Variants in MPRIP observed in about 807,000 individuals in gnomAD.
The protein encoded by MPRIP is myosin phosphatase Rho interacting protein.
MPRIP carries 59 observed loss-of-function variants against 234.9 expected under a neutral mutation model. The observed-to-expected ratio is 0.25, with a 90% CI of 0.20 to 0.31. The LOEUF (loss-of-function observed/expected upper bound fraction) is 0.31. Ranked by LOEUF, MPRIP falls within the 10% of genes least tolerant of loss-of-function variation. The pLI is 1.00. For synonymous variants in MPRIP, 1,144 were observed against 1,263.9 expected (o/e 0.91, Z 2.01); for missense variants, 2,436 against 3,071.0 (o/e 0.79, Z 4.89).
rs370665636 is a variant in MPRIP at position 17,090,842 on chromosome 17, C to T, written c.267+12766C>T. Among the ~76,000 whole-genome samples the T allele has an allele frequency of 4.6e-4, 70 of 152,296 alleles. 1 individual carries two copies. Among genetic ancestry groups the T allele is most frequent in the South Asian group, 2.7e-3 (13 of 4,826 alleles). On this transcript the variant is annotated intron_variant, in intron 3 of 23. Coordinates refer to ENST00000651222, the MANE Select transcript of MPRIP (RefSeq NM_001364716.4). ...TGGGTGGAGCTACTCTGGCTCCATT[C>T]CCATTCTGTGAGCTGGGGCCCAGAC...
chr17:17,092,738 ATCTC>A (rs138948592), intron 3 of MPRIP, among the ~76,000 whole-genome samples: 1 of 150,676 alleles, frequency 6.6e-6, no homozygotes, highest in East Asian at 1.9e-4. Context: ...CTTGTTCTCT[ATCTC>A]TCTCTCTCTC....
In MPRIP at chr17:17,050,297, A is replaced by G. The variant is rs181194602; in HGVS notation, c.123+7326A>G. 6.0e-3 allele frequency among the ~76,000 whole-genome samples: 820 copies of G among 136,506 alleles called. 10 individuals carry two copies. Among genetic ancestry groups the G allele is most frequent in the African/African-American group, 0.021 (778 of 37,012 alleles). The allele number at this position is 136,506 out of a possible 152,430, so 89.6% of individuals were successfully genotyped here. A position where few individuals can be genotyped will look rare whatever the true frequency, so the allele number is the denominator to read the frequency against. ...GCCACTGCACTCCAGCCTGGGCAAT[A>G]GAGTGAGACTCCGTCTCAAAAAAAA... On this transcript the variant is annotated intron_variant, in intron 1 of 23. Coordinates refer to ENST00000651222, the MANE Select transcript of MPRIP (RefSeq NM_001364716.4).
rs1021526371 is a variant in MPRIP, at chr17:17,136,284, C to T, written c.570C>T (p.Ile190=). ...GCAGCAGCAGCAGCAGCAGCAGCAT[C>T]CCCAGTGCTGAGAAAGTCCCCACCA... ...SSSSSSSSSS[I]PSAEKVPTTK... is the part of the protein sequence containing the mutation. Residue 190 remains isoleucine (I), a synonymous_variant, in exon 6 of 24, where the codon ATC becomes ATT. Coordinates refer to ENST00000651222, the MANE Select transcript of MPRIP (RefSeq NM_001364716.4). The T allele has an allele frequency of 1.2e-6, 2 of 1,613,248 alleles. No individual in the cohort carries two copies. Among genetic ancestry groups the T allele is most frequent in the African/African-American group, 1.3e-5 (1 of 74,726 alleles).
chr17:17,061,384 A>G (rs2088862612), intron 1 of MPRIP, among the ~76,000 whole-genome samples: 1 of 152,256 alleles, frequency 6.6e-6, no homozygotes, highest in Admixed American at 6.5e-5. Flanking sequence ...ATTATTAAAC[A>G]GCCTATTTGC....
rs1441000571 is a variant in MPRIP, at chr17:17,192,292, C to G, written c.*7398C>G. ...TAAAAGCTGTGTGCAGAAGAAAGGG[C>G]TGAATGAGTACCGCCTCCCTAGGTT... On this transcript the variant is annotated 3_prime_UTR_variant, in exon 24 of 24. Transcript: ENST00000651222. 3 of 152,010 alleles carry G rather than the reference C, an allele frequency of 2.0e-5. No homozygotes were observed. The East Asian group carries it at 5.8e-4, about 29-fold the overall frequency. The allele number at this position is 152,010 out of a possible 1,614,324, so 9.4% of individuals were successfully genotyped here.
intron 23 of MPRIP, 89 bp downstream of exon 23, chr17:17,180,177 C>A: frequency 9.2e-7 from 1 of 1,084,402 alleles, no homozygotes; most frequent in Non-Finnish European, 1.3e-6. Flanking sequence ...CTCCCATGGG[C>A]CACAGCTGCC....
rs2090754926 is a variant in MPRIP, at chr17:17,138,658, A to G, written c.1250+229A>G. On this transcript the variant is annotated intron_variant, in intron 7 of 23. Transcript: ENST00000651222. The surrounding 1 kb of genome is among the most constrained non-coding windows in gnomAD (Gnocchi z 5.8). ...ATCAGAGGTCGACGCCAAGAATAGCAGTTTTCACATCAGTGCCTCCTAGGA... is the reference window on the plus strand; with the variant it reads ...ATCAGAGGTCGACGCCAAGAATAGCGGTTTTCACATCAGTGCCTCCTAGGA... 6.6e-6 allele frequency among the ~76,000 whole-genome samples: 1 copy of G among 152,228 alleles called. No individual in the cohort carries two copies.
intron 3 of MPRIP, among the ~76,000 whole-genome samples, chr17:17,118,650 T>C (rs893860391): frequency 6.6e-6 from 1 of 152,178 alleles, no homozygotes; most frequent in South Asian, 2.1e-4. Flanking sequence ...GAGTTCTGCC[T>C]GGTGGGTACC....
rs1386562904 is a variant in MPRIP, at chr17:17,118,774, C to G, written c.268-7928C>G. Among the ~76,000 whole-genome samples, 2 of 152,174 alleles carry G rather than the reference C, an allele frequency of 1.3e-5. 1 individual carries two copies. Among genetic ancestry groups the G allele is most frequent in the Non-Finnish European group, 2.9e-5 (2 of 68,010 alleles). On this transcript the variant is annotated intron_variant, in intron 3 of 23. Transcript: ENST00000651222. ...CTGGGCCTGCATGGGATCATGACCC[C>G]TTTTCTGCGGCTCTTTCCAGTTTCC...
At position 17,192,004 on chromosome 17, in the gene MPRIP, C is replaced by A. The variant is rs1397146064; in HGVS notation, c.*7110C>A. ...CATCCAAGTGGCTCCTCAACAATTACAATTCTTAATGATTTTTCTCACAGC... is the reference window on the plus strand; with the variant it reads ...CATCCAAGTGGCTCCTCAACAATTAAAATTCTTAATGATTTTTCTCACAGC... On this transcript the variant is annotated 3_prime_UTR_variant, in exon 24 of 24. Coordinates refer to ENST00000651222, the MANE Select transcript of MPRIP (RefSeq NM_001364716.4). The A allele has an allele frequency of 3.3e-5, 5 of 152,126 alleles. No homozygotes were observed. Among genetic ancestry groups the A allele is most frequent in the Admixed American group, 1.3e-4 (2 of 15,274 alleles). 9.4% of individuals were successfully genotyped at this position (152,126 alleles called of 1,614,324 possible). A position where few individuals can be genotyped will look rare whatever the true frequency, so the allele number is the denominator to read the frequency against.
At chr17:17,073,757 AG>A (rs758978570) in intron 1 of MPRIP, among the ~76,000 whole-genome samples, 4 of 152,000 alleles carry the variant, frequency 2.6e-5, no homozygotes, top group Non-Finnish European at 5.9e-5. Flanking sequence ...GCCCACCTTG[AG>A]GTTTGCTGGG....
chr17:17,105,885 T>A (rs1240129870), intron 3 of MPRIP, among the ~76,000 whole-genome samples: 1 of 152,192 alleles, frequency 6.6e-6, no homozygotes, highest in African/African-American at 2.4e-5. Flanking sequence ...TAAAATAGTT[T>A]TTCCTACCCC....
intron 6 of MPRIP, among the ~76,000 whole-genome samples, chr17:17,136,828 A>T (rs1181807193): frequency 6.6e-6 from 1 of 152,114 alleles, no homozygotes; most frequent in Non-Finnish European, 1.5e-5. Flanking sequence ...AGTCAGTCTC[A>T]TCCCTCTCAC....
intron 7 of MPRIP, among the ~76,000 whole-genome samples, chr17:17,140,262 T>G (rs1048284681): frequency 6.6e-6 from 1 of 152,076 alleles, no homozygotes; most frequent in Non-Finnish European, 1.5e-5. Flanking sequence ...TGGCTTGGCT[T>G]CTTCTCGGAG....
At chr17:17,111,553 G>T (rs935727794) in intron 3 of MPRIP, among the ~76,000 whole-genome samples, 1 of 152,236 alleles carries the variant, frequency 6.6e-6, no homozygotes, top group Non-Finnish European at 1.5e-5. Flanking sequence ...CTGCTGAGGA[G>T]GGAGACCTGG....
intron 3 of MPRIP, among the ~76,000 whole-genome samples, chr17:17,111,971 A>G (rs2090181173): frequency 3.9e-5 from 6 of 152,054 alleles, no homozygotes. Flanking sequence ...GCCAGGTTTC[A>G]TCAGTTCTGT....
At chr17:17,175,088 C>G (rs2046225996) in intron 19 of MPRIP, among the ~76,000 whole-genome samples, 1 of 152,222 alleles carries the variant, frequency 6.6e-6, no homozygotes, top group African/African-American at 2.4e-5. Context: ...TAAAGATTAC[C>G]CCACAGGAGC....
At chr17:17,110,365 C>G (rs1020162491) in intron 3 of MPRIP, among the ~76,000 whole-genome samples, 2 of 152,152 alleles carry the variant, frequency 1.3e-5, no homozygotes, top group African/African-American at 4.8e-5. Flanking sequence ...CGGCACAAAA[C>G]AGACTAAGAC....
chr17:17,183,125 C>G (rs1336059130), intron 23 of MPRIP: 1 of 152,348 alleles, frequency 6.6e-6, no homozygotes, highest in African/African-American at 2.4e-5. Flanking sequence ...CCCAGCCACT[C>G]TCTGTGGCAG....
Sources: allele counts gnomAD v4.1 joint callset (sites outside exome capture counted in the v4.1 genomes callset), GRCh38; gene constraint gnomAD v4.1.1; non-coding constraint Gnocchi (gnomAD v3.1); transcripts MANE v1.5; gene names NCBI Gene and HGNC (gene_info 2026-07-23, HGNC 2026-07-21).